NLN: variants seen among roughly 807,000 people sequenced by gnomAD.
The protein encoded by NLN is neurolysin, mitochondrial.
In NLN, 64 loss-of-function variants were observed where a neutral mutation model predicts 79.9. The observed-to-expected ratio is 0.80, with a 90% CI of 0.65 to 0.99. NLN has a LOEUF of 0.99. Among genes scored for constraint, NLN ranks in the 50% least tolerant of loss-of-function variants. NLN has a pLI of 0.00. For missense variants in NLN, 835 were observed against 858.7 expected, an observed-to-expected ratio of 0.97 and a Z score of 0.34; for synonymous variants, 267 against 296.6, an observed-to-expected ratio of 0.90 and a Z score of 1.02.
At chr5:65,743,273 A>C (rs1017088902) in intron 1 of NLN, among the ~76,000 whole-genome samples, 10 of 152,238 alleles carry the variant, frequency 6.6e-5, no homozygotes, top group African/African-American at 2.4e-4. Flanking sequence ...TTAATTTATA[A>C]ACATAGGCTT....
intron 9 of NLN, among the ~76,000 whole-genome samples, chr5:65,802,384 A>T (rs1439012665): frequency 6.6e-6 from 1 of 152,214 alleles, no homozygotes; most frequent in East Asian, 1.9e-4. Flanking sequence ...TACCACAAGC[A>T]GCTTTCACAG....
In NLN at chr5:65,775,101, C is replaced by G. The variant is rs115433488; in HGVS notation, c.451-2326C>G. On this transcript the variant is annotated intron_variant, in intron 3 of 12. Transcript: ENST00000380985. ...TCCTTCTACCTGTTTGCACCTGTGT[C>G]ATTTATTTTGGGAATAAGTAGTTTT... 4.7e-3 allele frequency among the ~76,000 whole-genome samples: 717 copies of G among 152,224 alleles called. 3 individuals carry two copies. Among genetic ancestry groups the G allele is most frequent in the African/African-American group, 0.016 (676 of 41,524 alleles).
intron 1 of NLN, among the ~76,000 whole-genome samples, chr5:65,739,741 C>T (rs1758831264): frequency 1.3e-5 from 2 of 152,090 alleles, no homozygotes; most frequent in South Asian, 4.1e-4. Flanking sequence ...TTTTAATTTG[C>T]ATTTCCCTAA....
At chr5:65,746,541 G>A (rs549455404) in intron 1 of NLN, among the ~76,000 whole-genome samples, 1 of 152,262 alleles carries the variant, frequency 6.6e-6, no homozygotes, top group South Asian at 2.1e-4. Context: ...AAAGATAGTA[G>A]GGCTGGCTGG....
chr5:65,813,888 C>T (rs1760610987), intron 12 of NLN, among the ~76,000 whole-genome samples: 1 of 151,920 alleles, frequency 6.6e-6, no homozygotes, highest in East Asian at 1.9e-4. Context: ...CGAGATCATG[C>T]TACTACACTC....
rs1396551179 is a variant in NLN at position 65,828,597 on chromosome 5, A to G, written c.*5682A>G. On this transcript the variant is annotated 3_prime_UTR_variant, in exon 13 of 13. Transcript: ENST00000380985. ...ATTCCATTAGAGAAACGGTTGGAAAATATGAGGAGGATTTAGTTCAGTACG... is the reference window on the plus strand; with the variant it reads ...ATTCCATTAGAGAAACGGTTGGAAAGTATGAGGAGGATTTAGTTCAGTACG... 1.3e-5 allele frequency: 2 copies of G among 152,216 alleles called. No homozygotes were observed. The highest frequency in any genetic ancestry group is 6.5e-5 in the Admixed American group (1 of 15,276). 9.4% of individuals were successfully genotyped at this position (152,216 alleles called of 1,614,324 possible).
intron 6 of NLN, among the ~76,000 whole-genome samples, chr5:65,782,606 T>G (rs1759824736): frequency 1.3e-5 from 2 of 152,212 alleles, no homozygotes; most frequent in African/African-American, 4.8e-5. Context: ...ATGTCTGCAG[T>G]TCAGTAACTC....
At chr5:65,814,497 C>G (rs1306407831) in intron 12 of NLN, among the ~76,000 whole-genome samples, 1 of 152,154 alleles carries the variant, frequency 6.6e-6, no homozygotes, top group East Asian at 1.9e-4. Context: ...GAAGGTCTCA[C>G]TCACATAACT....
chr5:65,742,119 A>G (rs2150738383), intron 1 of NLN, among the ~76,000 whole-genome samples: 1 of 152,308 alleles, frequency 6.6e-6, no homozygotes. Context: ...CTCTTAAAAA[A>G]GAAAATTTTG....
Position 65,733,762 on chromosome 5 carries a change from C to T in NLN, c.41+11348C>T, listed in dbSNP as rs1396811218. 7.6e-6 allele frequency: 6 copies of T among 791,424 alleles called. No homozygotes were observed. In the Admixed American group the frequency reaches 1.1e-4, roughly 14 times the overall value. 49.0% of individuals were successfully genotyped at this position (791,424 alleles called of 1,614,324 possible). A position where few individuals can be genotyped will look rare whatever the true frequency, so the allele number is the denominator to read the frequency against. On this transcript the variant is annotated intron_variant, in intron 1 of 12. Transcript: ENST00000380985. ...TTTGATGGAGTCTCGCTCTGTCCCT[C>T]AGGCTGAAGTGCAGTGGCACAATCT...
chr5:65,757,888 C>T (rs962544291), intron 1 of NLN, among the ~76,000 whole-genome samples: 5 of 151,934 alleles, frequency 3.3e-5, no homozygotes, highest in South Asian at 2.1e-4. Flanking sequence ...AAGGTTTTTT[C>T]GAGTCTATGT....
intron 9 of NLN, 154 bp downstream of exon 9, chr5:65,792,809 C>A (rs1349627461): frequency 1.4e-6 from 1 of 699,202 alleles, no homozygotes; most frequent in African/African-American, 1.7e-5. Flanking sequence ...TTTTCCTTAT[C>A]CTGTCCTCTT....
Position 65,750,237 on chromosome 5 carries a change from T to TA in NLN, c.42-8329dup, listed in dbSNP as rs150921673. On this transcript the variant is annotated intron_variant, in intron 1 of 12. Coordinates refer to ENST00000380985, the MANE Select transcript of NLN (RefSeq NM_020726.5). ...TGTGCTGTCTAGTGTGGTACCCACTTACTACAAGTGGCTATTGAATATTTG... is the reference window on the plus strand; with the variant it reads ...TGTGCTGTCTAGTGTGGTACCCACTTAACTACAAGTGGCTATTGAATATTTG... 8.4e-4 allele frequency among the ~76,000 whole-genome samples: 128 copies of TA among 152,378 alleles called. 3 individuals are homozygous for TA. In the East Asian group the frequency reaches 0.014, roughly 17 times the overall value.
chr5:65,803,385 G>A (rs1032768219), intron 9 of NLN, among the ~76,000 whole-genome samples: 3 of 152,214 alleles, frequency 2.0e-5, no homozygotes, highest in Non-Finnish European at 2.9e-5. Flanking sequence ...GTTCAGTAGG[G>A]GCTGAGGCAG....
intron 12 of NLN, among the ~76,000 whole-genome samples, chr5:65,820,979 G>A (rs1174127147): frequency 6.7e-6 from 1 of 150,320 alleles, no homozygotes; most frequent in East Asian, 2.0e-4. Context: ...GGAGGCAGAG[G>A]TTGCAGTAAG....
At chr5:65,774,715 T>TCA (rs1759642056) in intron 3 of NLN, among the ~76,000 whole-genome samples, 1 of 134,086 alleles carries the variant, frequency 7.5e-6, no homozygotes, top group Non-Finnish European at 1.6e-5. Context: ...CATATATAAA[T>TCA]TATATATATA....
At chr5:65,807,176 C>CA (rs35751319) in intron 9 of NLN, among the ~76,000 whole-genome samples, 53 of 139,368 alleles carry the variant, frequency 3.8e-4, no homozygotes, top group South Asian at 9.3e-4. Flanking sequence ...GACCCTGTCT[C>CA]AAAAAAAAAA....
intron 1 of NLN, chr5:65,733,632 G>C: frequency 6.7e-7 from 1 of 1,489,088 alleles, no homozygotes. Flanking sequence ...ATCTGAGAAA[G>C]TGGACCTCCA....
chr5:65,727,801 C>T (rs890083608), intron 1 of NLN, among the ~76,000 whole-genome samples: 12 of 152,150 alleles, frequency 7.9e-5, no homozygotes, highest in African/African-American at 2.9e-4. Context: ...CAGTCTCGCT[C>T]TGTTGCCCAG....
Sources: allele counts gnomAD v4.1 joint callset (sites outside exome capture counted in the v4.1 genomes callset), GRCh38; gene constraint gnomAD v4.1.1; transcripts MANE v1.5; gene names NCBI Gene and HGNC (gene_info 2026-07-23, HGNC 2026-07-21).